The following COL5A1 variants were observed in gnomAD, a reference collection of about 807,000 sequenced individuals.
The protein encoded by COL5A1 is collagen alpha-1(V) chain.
A neutral mutation model predicts 263.7 loss-of-function variants in COL5A1; 16 were observed. The observed-to-expected ratio is 0.06, with a 90% CI of 0.04 to 0.09. COL5A1 has a LOEUF of 0.09. Among genes scored for constraint, COL5A1 ranks in the 10% least tolerant of loss-of-function variants. COL5A1 has a pLI of 1.00. For synonymous variants in COL5A1, 1,012 were observed against 1,004.5 expected (o/e 1.01, Z -0.14); for missense variants, 2,036 against 2,540.5 (o/e 0.80, Z 4.27).
chr9:134,746,561 C>T (rs970128883), intron 11 of COL5A1, among the ~76,000 whole-genome samples: 2 of 152,240 alleles, frequency 1.3e-5, no homozygotes, highest in Non-Finnish European at 2.9e-5. Flanking sequence ...GCCACATCGT[C>T]TCTGTGCAAA....
At chr9:134,730,545 C>T (rs1834843576) in intron 7 of COL5A1, 70 bp downstream of exon 7, 1 of 1,598,760 alleles carries the variant, frequency 6.3e-7, no homozygotes, top group Non-Finnish European at 8.5e-7. Context: ...GGCCACAATG[C>T]TGAGCTCCCT....
At chr9:134,819,619 C>A (rs908944810) in intron 57 of COL5A1, among the ~76,000 whole-genome samples, 2 of 152,152 alleles carry the variant, frequency 1.3e-5, no homozygotes, top group African/African-American at 4.8e-5. Context: ...GGCTGCCTTG[C>A]GAGGCTTGCC....
At position 134,642,799 on chromosome 9, in the gene COL5A1, A is replaced by C. The variant is rs895629013; in HGVS notation, c.109+503A>C. On this transcript the variant is annotated intron_variant, in intron 1 of 65. Transcript: ENST00000371817. This position sits in a 1 kb window ranked among gnomAD's most constrained non-coding sequence, Gnocchi z 4.5. ...CACTGAACTTCCCCCAGGCACTGTC[A>C]CTCTAGGCTGAGCTGGCGCCCTGCT... 5.3e-5 allele frequency among the ~76,000 whole-genome samples: 8 copies of C among 151,850 alleles called. No homozygotes were observed. Among genetic ancestry groups the C allele is most frequent in the African/African-American group, 1.5e-4 (6 of 41,350 alleles).
At chr9:134,705,793 C>T (rs994530702) in intron 4 of COL5A1, among the ~76,000 whole-genome samples, 3 of 152,196 alleles carry the variant, frequency 2.0e-5, no homozygotes, top group Admixed American at 6.5e-5. Flanking sequence ...TGAGCTGTCC[C>T]TTTTCTCAGC....
intron 1 of COL5A1, among the ~76,000 whole-genome samples, chr9:134,654,200 AG>A (rs1831812756): frequency 2.1e-5 from 1 of 48,440 alleles, no homozygotes. Context: ...GTAGGGCTGG[AG>A]GTTTGTAGAG....
chr9:134,759,708 A>AC (rs1836202036), intron 18 of COL5A1, among the ~76,000 whole-genome samples: 1 of 72,242 alleles, frequency 1.4e-5, no homozygotes, highest in Non-Finnish European at 2.3e-5. Flanking sequence ...GCACACATGC[A>AC]CACACCCCCC....
At chr9:134,748,357 G>A (rs1348924408) in intron 11 of COL5A1, among the ~76,000 whole-genome samples, 1 of 151,444 alleles carries the variant, frequency 6.6e-6, no homozygotes, top group African/African-American at 2.4e-5. Flanking sequence ...TCACACACAT[G>A]CACATACATA....
Position 134,758,265 on chromosome 9 carries a change from T to C in COL5A1, c.1904T>C (p.Leu635Pro), listed in dbSNP as rs1301450095. The C allele has an allele frequency of 1.9e-6, 3 of 1,613,926 alleles. No homozygotes were observed. The highest frequency in any genetic ancestry group is 2.5e-6 in the Non-Finnish European group (3 of 1,180,014). ...CAGGGTGACCGGGGTTTCGACGGCC[T>C]GGCTGGGTTGCCAGGCGAGAAGGGC... ...GPKGDRGFDG[L>P]AGLPGEKGHR... The change falls in exon 18 of 66, where the codon CTG (leucine) becomes CCG (proline). Residue 635 changes from leucine (L) to proline (P), a missense_variant. Leu to Pro is a moderately conservative substitution (Grantham distance 98, BLOSUM62 -3). Transcript: ENST00000371817. The surrounding 1 kb of genome is among the most constrained non-coding windows in gnomAD (Gnocchi z 4.1).
At chr9:134,792,561 C>T (rs1023035431) in intron 32 of COL5A1, among the ~76,000 whole-genome samples, 4 of 152,104 alleles carry the variant, frequency 2.6e-5, no homozygotes, top group South Asian at 2.1e-4. Context: ...GACAAGATTT[C>T]GTCATGTTGA....
intron 1 of COL5A1, among the ~76,000 whole-genome samples, chr9:134,670,455 C>G (rs1832506100): frequency 6.6e-6 from 1 of 152,216 alleles, no homozygotes; most frequent in Non-Finnish European, 1.5e-5. Flanking sequence ...AGAACTGGGG[C>G]TGCTCACCCA....
intron 5 of COL5A1, among the ~76,000 whole-genome samples, chr9:134,727,613 C>A (rs1254956268): frequency 6.6e-6 from 1 of 152,246 alleles, no homozygotes; most frequent in African/African-American, 2.4e-5. Flanking sequence ...CAATAACCCT[C>A]TCCTTTAACC....
rs1831526408 is a variant in COL5A1, at chr9:134,647,790, C to T, written c.109+5494C>T. Among the ~76,000 whole-genome samples, 1 of 152,210 alleles carries T rather than the reference C, an allele frequency of 6.6e-6. No individual in the cohort carries two copies. The highest frequency in any genetic ancestry group is 2.1e-4 in the South Asian group (1 of 4,826). On this transcript the variant is annotated intron_variant, in intron 1 of 65. Transcript: ENST00000371817. This position sits in a 1 kb window ranked among gnomAD's most constrained non-coding sequence, Gnocchi z 5.0. ...CTCCCGCTTCTCCTCTATTTACATTCTCCCATATAATTGACTCGTCTGCTC... is the reference window on the plus strand; with the variant it reads ...CTCCCGCTTCTCCTCTATTTACATTTTCCCATATAATTGACTCGTCTGCTC...
In COL5A1 at chr9:134,828,824, CCACACAT is replaced by C. The variant is rs750619723; in HGVS notation, c.5068-1145_5068-1139del. ...TACACACAGATACCACACACACACA[CCACACAT>C]CACACAGATACACCCATAACACACT... is the stretch of plus-strand genomic sequence containing the variant. On this transcript the variant is annotated intron_variant, in intron 63 of 65. Coordinates refer to ENST00000371817, the MANE Select transcript of COL5A1 (RefSeq NM_000093.5). Among the ~76,000 whole-genome samples the C allele has an allele frequency of 6.6e-5, 10 of 151,350 alleles. No homozygotes were observed. The East Asian group carries it at 7.8e-4, about 12-fold the overall frequency.
chr9:134,766,386 T>A (rs1285692884), intron 21 of COL5A1, 68 bp from the exon 22 acceptor site: 5 of 1,515,226 alleles, frequency 3.3e-6, no homozygotes, highest in Middle Eastern at 1.7e-4. Context: ...TGAGTGGGAT[T>A]TTCCTCTTGA....
intron 4 of COL5A1, among the ~76,000 whole-genome samples, chr9:134,711,217 G>A (rs1361116046): frequency 6.6e-6 from 1 of 152,086 alleles, no homozygotes; most frequent in Non-Finnish European, 1.5e-5. Context: ...GGTTGGCTCT[G>A]TTTCTCCCCC....
chr9:134,723,986 T>A (rs1834557727), intron 4 of COL5A1, among the ~76,000 whole-genome samples: 2 of 152,148 alleles, frequency 1.3e-5, no homozygotes, highest in African/African-American at 4.8e-5. Context: ...TTTTTGGTGC[T>A]GAGAGCCGTT....
At position 134,835,616 on chromosome 9, in the gene COL5A1, G is replaced by A. The variant is rs138121888; in HGVS notation, c.5370+412G>A. The stretch of plus-strand genomic sequence containing the variant: ...TGGGCCTGTTCCCGAGAGCACGGCC[G>A]TCTGGAAACACTGCAGACAGTTGCC... On this transcript the variant is annotated intron_variant, in intron 65 of 65. Transcript: ENST00000371817. 5.3e-4 allele frequency among the ~76,000 whole-genome samples: 81 copies of A among 152,342 alleles called. 1 individual carries two copies. The highest frequency in any genetic ancestry group is 6.8e-3 in the Middle Eastern group (2 of 294).
At chr9:134,767,670 C>T (rs915385777) in intron 24 of COL5A1, among the ~76,000 whole-genome samples, 53 of 152,122 alleles carry the variant, frequency 3.5e-4, no homozygotes, top group Admixed American at 2.6e-4. Flanking sequence ...CAAATTTAAC[C>T]GGGCATCTTG....
intron 1 of COL5A1, among the ~76,000 whole-genome samples, chr9:134,655,958 C>T (rs1360852229): frequency 6.6e-6 from 1 of 152,200 alleles, no homozygotes; most frequent in East Asian, 1.9e-4. Context: ...TTCTCTGGGT[C>T]TGTAACCCTG....
Sources: allele counts gnomAD v4.1 joint callset (sites outside exome capture counted in the v4.1 genomes callset), GRCh38; gene constraint gnomAD v4.1.1; non-coding constraint Gnocchi (gnomAD v3.1); transcripts MANE v1.5; gene names NCBI Gene and HGNC (gene_info 2026-07-23, HGNC 2026-07-21).